The following PAK4 variants were observed in gnomAD, a reference collection of about 807,000 sequenced individuals.
PAK4 encodes p21 (RAC1) activated kinase 4, also known as serine/threonine-protein kinase PAK 4.
Under a neutral mutation model 53.5 loss-of-function variants are expected in PAK4, and 49 were observed. That is an observed-to-expected ratio of 0.92 (90% CI 0.73 to 1.16). PAK4 has a LOEUF of 1.16. Ranked by LOEUF, PAK4 falls within the 50% of genes most tolerant of loss-of-function variation. The probability of loss-of-function intolerance (pLI) is 0.00; values close to 1 mark genes in which losing one functional copy is unlikely to be tolerated. For synonymous variants in PAK4, 376 were observed against 375.6 expected (o/e 1.00, Z -0.01); for missense variants, 824 against 850.7 (o/e 0.97, Z 0.39).
chr19:39,169,518 A>T lies in PAK4; in HGVS notation c.-22-14A>T. On this transcript the variant is annotated splice_polypyrimidine_tract_variant and intron_variant, in intron 1 of 8. Transcript: ENST00000358301. ...GGCAGGCTCTCACTCACCCACCGTG[A>T]TTCCCTCCCGCAGGCCGCACCGAGT... 2.5e-6 allele frequency: 4 copies of T among 1,585,688 alleles called. No individual in the cohort carries two copies. The highest frequency in any genetic ancestry group is 3.5e-6 in the Non-Finnish European group (4 of 1,155,532).
At chr19:39,126,281 G>T (rs2073576081) in intron 1 of PAK4, among the ~76,000 whole-genome samples, 1 of 152,112 alleles carries the variant, frequency 6.6e-6, no homozygotes. Context: ...GAGGTTTAAA[G>T]CTGCCCCTAG....
At chr19:39,144,161 T>TAGATAGA (rs1555775710) in intron 1 of PAK4, among the ~76,000 whole-genome samples, 12 of 87,170 alleles carry the variant, frequency 1.4e-4, no homozygotes, top group African/African-American at 3.8e-4. Flanking sequence ...GATAGATAGA[T>TAGATAGA]TAGATTAGAT....
chr19:39,140,402 G>A (rs1233270711), intron 1 of PAK4, among the ~76,000 whole-genome samples: 1 of 152,156 alleles, frequency 6.6e-6, no homozygotes, highest in Admixed American at 6.5e-5. Flanking sequence ...CAGTCCAAGG[G>A]TGGCTAGGGC....
chr19:39,144,178 A>AT (rs1437469407), intron 1 of PAK4, among the ~76,000 whole-genome samples: 61 of 148,986 alleles, frequency 4.1e-4, no homozygotes, highest in African/African-American at 1.5e-3. Flanking sequence ...AGATAGATAG[A>AT]TAGATAGATA....
At chr19:39,162,062 C>T (rs1404306764) in intron 1 of PAK4, among the ~76,000 whole-genome samples, 4 of 152,164 alleles carry the variant, frequency 2.6e-5, no homozygotes, top group Admixed American at 6.5e-5. Context: ...CAGGTTCAAG[C>T]GATTCTCCTG....
In PAK4 at chr19:39,172,840, TG is replaced by T. The variant is rs1017439558; in HGVS notation, c.205-77del. ...TGTCTCTGTGTGTGTCGTGCTGTCC[TG>T]TCCCTGCGTGTCGGATGCACGTCCT... On this transcript the variant is annotated intron_variant, in intron 2 of 8. Transcript: ENST00000358301. The T allele has an allele frequency of 1.4e-5, 17 of 1,206,298 alleles. No homozygotes were observed. In the African/African-American group the frequency reaches 2.4e-4, roughly 17 times the overall value. 74.7% of individuals were successfully genotyped at this position (1,206,298 alleles called of 1,614,324 possible).
At chr19:39,156,044 C>T (rs543405508) in intron 1 of PAK4, among the ~76,000 whole-genome samples, 64 of 152,308 alleles carry the variant, frequency 4.2e-4, no homozygotes, top group Non-Finnish European at 7.6e-4. Flanking sequence ...CCACACCTCC[C>T]GGCCCTATTC....
rs1191328782 is a variant in PAK4, at chr19:39,176,848, C to T, written c.1485+133C>T. ...GAATGGTGCTCTGGACAAGGAGGTA[C>T]TGCAGGCATGCATGTATTCATTCTT... On this transcript the variant is annotated intron_variant, in intron 7 of 8. Coordinates refer to ENST00000358301, the Ensembl canonical transcript of PAK4. 11 of 1,041,486 alleles carry T rather than the reference C, an allele frequency of 1.1e-5. No homozygotes were observed. In the East Asian group the frequency reaches 1.9e-4, roughly 18 times the overall value. The allele number at this position is 1,041,486 out of a possible 1,614,324, so 64.5% of individuals were successfully genotyped here. A position where few individuals can be genotyped will look rare whatever the true frequency, so the allele number is the denominator to read the frequency against.
chr19:39,167,218 T>C (rs34270590), intron 1 of PAK4, among the ~76,000 whole-genome samples: 37,536 of 151,854 alleles, frequency 0.25, 4,887 homozygotes, highest in East Asian at 0.46. Flanking sequence ...TGCCCCGCAG[T>C]GGGGAGGGAG....
chr19:39,142,917 G>C (rs2073933562), intron 1 of PAK4, among the ~76,000 whole-genome samples: 1 of 152,026 alleles, frequency 6.6e-6, no homozygotes, highest in Non-Finnish European at 1.5e-5. Flanking sequence ...AAACCTCCTT[G>C]ACCTCAGCTG....
chr19:39,133,098 T>G (rs778638087), intron 1 of PAK4, among the ~76,000 whole-genome samples: 18 of 152,096 alleles, frequency 1.2e-4, no homozygotes, highest in Non-Finnish European at 1.9e-4. Context: ...ACAGAAGAGG[T>G]CAAGGGCTTG....
chr19:39,173,564 C>T lies in PAK4; in HGVS notation c.664-12C>T, dbSNP rs2074533573. 1 of 1,516,726 alleles carries T rather than the reference C, an allele frequency of 6.6e-7. No individual in the cohort carries two copies. The highest frequency in any genetic ancestry group is 2.3e-5 in the East Asian group (1 of 43,992). The allele number at this position is 1,516,726 out of a possible 1,614,324, so 94.0% of individuals were successfully genotyped here. A position where few individuals can be genotyped will look rare whatever the true frequency, so the allele number is the denominator to read the frequency against. On this transcript the variant is annotated splice_polypyrimidine_tract_variant and intron_variant, in intron 3 of 8. Transcript: ENST00000358301. This position sits in a 1 kb window ranked among gnomAD's most constrained non-coding sequence, Gnocchi z 6.9. ...GCACCCATCACTGACAGCTACCTCT[C>T]TTCTGTTTCAGGGGGAGCCTCATGA...
chr19:39,177,878 G>T (rs1012876466), intron 8 of PAK4, 69 bp downstream of exon 9: 2 of 1,524,492 alleles, frequency 1.3e-6, no homozygotes, highest in Non-Finnish European at 1.8e-6. Context: ...TGGAGCATGG[G>T]GTGTGGATGG....
chr19:39,146,301 G>T (rs2145168838), intron 1 of PAK4, among the ~76,000 whole-genome samples: 1 of 152,304 alleles, frequency 6.6e-6, no homozygotes, highest in South Asian at 2.1e-4. Flanking sequence ...AGACCCAGAG[G>T]ACTGTGGGAG....
chr19:39,130,504 A>T (rs2073688027), intron 1 of PAK4, among the ~76,000 whole-genome samples: 1 of 152,058 alleles, frequency 6.6e-6, no homozygotes, highest in Non-Finnish European at 1.5e-5. Context: ...GAAAGAATGT[A>T]ACAGGTCATG....
intron 1 of PAK4, among the ~76,000 whole-genome samples, chr19:39,140,638 G>C (rs1219412768): frequency 6.6e-6 from 1 of 152,160 alleles, no homozygotes; most frequent in African/African-American, 2.4e-5. Context: ...GACTAGGGGG[G>C]ACTGATAGCT....
chr19:39,129,919 AC>A (rs1318608207), intron 1 of PAK4, among the ~76,000 whole-genome samples: 1 of 152,068 alleles, frequency 6.6e-6, no homozygotes, highest in Non-Finnish European at 1.5e-5. Context: ...AGGCCTTGTA[AC>A]ATTCTTTCTG....
At chr19:39,132,320 T>C (rs879819297) in intron 1 of PAK4, among the ~76,000 whole-genome samples, 8 of 152,206 alleles carry the variant, frequency 5.3e-5, no homozygotes, top group Admixed American at 4.6e-4. Context: ...CAAATCTCTT[T>C]CCCACCCGCC....
chr19:39,155,040 G>A (rs1283902455), intron 1 of PAK4, among the ~76,000 whole-genome samples: 1 of 152,222 alleles, frequency 6.6e-6, no homozygotes, highest in African/African-American at 2.4e-5. Flanking sequence ...TGGCTGCAGG[G>A]GCAGGGGTGT....
Sources: gnomAD v4.1 joint callset for allele counts (sites outside exome capture counted in the v4.1 genomes callset) on GRCh38, gnomAD v4.1.1 for gene constraint, Gnocchi (gnomAD v3.1) non-coding constraint, MANE v1.5 for transcripts, NCBI Gene and HGNC (gene_info 2026-07-23, HGNC 2026-07-21) for gene names.